The following TRPM3 variants were observed in gnomAD, a reference collection of about 807,000 sequenced individuals.
TRPM3 encodes transient receptor potential cation channel subfamily M member 3, also known as long transient receptor potential channel 3.
A neutral mutation model predicts 181.2 loss-of-function variants in TRPM3; 77 were observed. The ratio of observed to expected loss-of-function variants is 0.42; its 90% CI spans 0.35 to 0.51. TRPM3 has a LOEUF of 0.51. Among genes scored for constraint, TRPM3 ranks in the 20% least tolerant of loss-of-function variants. The probability of loss-of-function intolerance (pLI) is 0.01; values close to 1 mark genes in which losing one functional copy is unlikely to be tolerated. For synonymous variants in TRPM3, 745 were observed against 796.4 expected, an observed-to-expected ratio of 0.94 and a Z score of 1.09; for missense variants, 1,759 against 2,196.7, an observed-to-expected ratio of 0.80 and a Z score of 3.98.
Position 71,022,544 on chromosome 9 carries a change from A to T in TRPM3, c.177+98634T>A, listed in dbSNP as rs141757407. 6.0e-4 allele frequency among the ~76,000 whole-genome samples: 91 copies of T among 152,150 alleles called. 1 individual carries two copies. In the East Asian group the frequency reaches 0.017, roughly 29 times the overall value. On this transcript the variant is annotated intron_variant, in intron 1 of 25. Transcript: ENST00000677713. The stretch of plus-strand genomic sequence containing the variant: ...ACTCTATCTCTATAAAAACAATTTT[A>T]AAAAATAGCCAGGTATGGTGGCCAC...
intron 7 of TRPM3, among the ~76,000 whole-genome samples, chr9:70,764,837 G>C (rs1261255365): frequency 6.6e-6 from 1 of 152,108 alleles, no homozygotes; most frequent in Non-Finnish European, 1.5e-5. Context: ...AAGAAAATCT[G>C]ATTTTTAGTG....
chr9:70,844,744 ATTC>A (rs1468985328), intron 4 of TRPM3, among the ~76,000 whole-genome samples: 6 of 152,214 alleles, frequency 3.9e-5, no homozygotes, highest in Non-Finnish European at 7.3e-5. Flanking sequence ...TAGGCTATAA[ATTC>A]TTCTTTTGAT....
At chr9:71,412,541 C>A (rs1212843348) in intron 1 of TRPM3, among the ~76,000 whole-genome samples, 1 of 152,172 alleles carries the variant, frequency 6.6e-6, no homozygotes, top group Non-Finnish European at 1.5e-5. Flanking sequence ...ATCAAAACCA[C>A]AATGAGATAC....
chr9:70,969,698 C>G (rs988346086), intron 1 of TRPM3, among the ~76,000 whole-genome samples: 5 of 148,096 alleles, frequency 3.4e-5, no homozygotes, highest in African/African-American at 1.2e-4. Flanking sequence ...GTTTCCTCAT[C>G]TGTAAATAGC....
At chr9:71,343,829 G>C (rs1262401877) in intron 1 of TRPM3, among the ~76,000 whole-genome samples, 1 of 151,988 alleles carries the variant, frequency 6.6e-6, no homozygotes, top group Non-Finnish European at 1.5e-5. Context: ...TATAAGATGA[G>C]CCTGGGTCAT....
At chr9:71,094,631 T>G (rs919206427) in intron 1 of TRPM3, among the ~76,000 whole-genome samples, 2 of 152,264 alleles carry the variant, frequency 1.3e-5, no homozygotes, top group Middle Eastern at 3.4e-3. Context: ...AAAATCTAGC[T>G]CTATAAACTT....
intron 22 of TRPM3, among the ~76,000 whole-genome samples, chr9:70,572,080 G>A (rs1173686794): frequency 6.6e-6 from 1 of 151,474 alleles, no homozygotes; most frequent in Non-Finnish European, 1.5e-5. Context: ...GAGTGTGAGG[G>A]CCCAGGAAAG....
At position 70,750,604 on chromosome 9, in the gene TRPM3, G is replaced by A. The variant is rs146039263; in HGVS notation, c.1272+10997C>T. ...GAATGAGGATGATGGCACTGGAATC[G>A]AAGTAGAGCAGGCAGATGTGAGAGA... On this transcript the variant is annotated intron_variant, in intron 8 of 25. Coordinates refer to ENST00000677713, the MANE Select transcript of TRPM3 (RefSeq NM_001366145.2). Among the ~76,000 whole-genome samples the A allele has an allele frequency of 3.5e-4, 54 of 152,268 alleles. No individual in the cohort carries two copies. In the East Asian group the frequency reaches 5.6e-3, roughly 16 times the overall value.
chr9:71,436,676 G>A (rs942921476), intron 1 of TRPM3, among the ~76,000 whole-genome samples: 6 of 152,106 alleles, frequency 3.9e-5, no homozygotes, highest in Non-Finnish European at 8.8e-5. Context: ...CAGGGACCAT[G>A]AGCCAAGGAA....
chr9:70,954,095 C>T (rs537306615), intron 1 of TRPM3, among the ~76,000 whole-genome samples: 15 of 152,196 alleles, frequency 9.9e-5, no homozygotes, highest in African/African-American at 2.9e-4. Context: ...CTGATCATTT[C>T]GGGACAAAGA....
chr9:70,926,855 A>G (rs2096726154), intron 1 of TRPM3, among the ~76,000 whole-genome samples: 1 of 152,202 alleles, frequency 6.6e-6, no homozygotes, highest in South Asian at 2.1e-4. Context: ...CAGATTTAAG[A>G]TTGTAAATAT....
chr9:71,169,650 C>G, intron 1 of TRPM3, among the ~76,000 whole-genome samples: 1 of 151,832 alleles, frequency 6.6e-6, no homozygotes, highest in Non-Finnish European at 1.5e-5. Flanking sequence ...AAAATATATA[C>G]TGATATAAAA....
Position 70,852,128 on chromosome 9 carries a change from C to CAA in TRPM3, c.463-5539_463-5538dup, listed in dbSNP as rs35682319. Among the ~76,000 whole-genome samples, 348 of 44,872 alleles carry CAA rather than the reference C, an allele frequency of 7.8e-3. 7 individuals are homozygous for CAA. The highest frequency in any genetic ancestry group is 0.028 in the Middle Eastern group (1 of 36). 29.4% of individuals were successfully genotyped at this position (44,872 alleles called of 152,430 possible). On this transcript the variant is annotated intron_variant, in intron 3 of 25. Coordinates refer to ENST00000677713, the MANE Select transcript of TRPM3 (RefSeq NM_001366145.2). ...GGCGACAAGAGCAAGACTCTATCTC[C>CAA]AAAAAAAAAAAAAAAAAAAAAAAAA...
Position 70,841,661 on chromosome 9 carries a change from T to TATATATAA in TRPM3, c.801+1341_801+1342insTTATATAT, listed in dbSNP as rs1339698170. Among the ~76,000 whole-genome samples the TATATATAA allele has an allele frequency of 8.4e-3, 721 of 85,960 alleles. 37 individuals carry two copies. The highest frequency in any genetic ancestry group is 0.028 in the African/African-American group (582 of 20,954). The allele number at this position is 85,960 out of a possible 152,430, so 56.4% of individuals were successfully genotyped here. On this transcript the variant is annotated intron_variant, in intron 5 of 25. Transcript: ENST00000677713. ...ATATATATATATATATATATATATA[T>TATATATAA]CCCACCATATATATGTATATATAGA...
chr9:71,357,796 C>A (rs1279619790), intron 1 of TRPM3, among the ~76,000 whole-genome samples: 4 of 151,284 alleles, frequency 2.6e-5, no homozygotes, highest in Non-Finnish European at 5.9e-5. Context: ...CTTCTTTATA[C>A]AGAGAGATTG....
Position 70,534,059 on chromosome 9 carries a change from C to T in TRPM3, c.*1894G>A, listed in dbSNP as rs954609849. On this transcript the variant is annotated 3_prime_UTR_variant, in exon 26 of 26. Coordinates refer to ENST00000677713, the MANE Select transcript of TRPM3 (RefSeq NM_001366145.2). Reference sequence around the variant, plus strand: ...CTTAAAGGCTTTATTCTTTTTTAAACGTTAATGAGCCAAATAGGAATCCAA... The same window carrying T: ...CTTAAAGGCTTTATTCTTTTTTAAATGTTAATGAGCCAAATAGGAATCCAA... 4 of 152,128 alleles carry T rather than the reference C, an allele frequency of 2.6e-5. No homozygotes were observed. Among genetic ancestry groups the T allele is most frequent in the Admixed American group, 2.0e-4 (3 of 15,268 alleles). The allele number at this position is 152,128 out of a possible 1,614,324, so 9.4% of individuals were successfully genotyped here.
At chr9:70,675,247 C>T (rs560986239) in intron 9 of TRPM3, among the ~76,000 whole-genome samples, 8 of 152,176 alleles carry the variant, frequency 5.3e-5, no homozygotes, top group East Asian at 1.9e-4. Context: ...ACTACAGTCA[C>T]GCACTGCCAT....
At chr9:71,295,290 A>G (rs995978979) in intron 1 of TRPM3, among the ~76,000 whole-genome samples, 1 of 152,132 alleles carries the variant, frequency 6.6e-6, no homozygotes, top group Non-Finnish European at 1.5e-5. Flanking sequence ...CTGTGAATAG[A>G]AATTAAAAAT....
chr9:70,883,989 G>A (rs918114855), intron 1 of TRPM3, among the ~76,000 whole-genome samples: 1 of 152,116 alleles, frequency 6.6e-6, no homozygotes, highest in Admixed American at 6.5e-5. Context: ...TTTTGCATTT[G>A]GAAACGATTG....
Sources: allele counts gnomAD v4.1 joint callset (sites outside exome capture counted in the v4.1 genomes callset), GRCh38; gene constraint gnomAD v4.1.1; transcripts MANE v1.5; gene names NCBI Gene and HGNC (gene_info 2026-07-23, HGNC 2026-07-21).